ENPP2: variants seen among roughly 807,000 people sequenced by gnomAD.
ENPP2 encodes the protein ectonucleotide pyrophosphatase/phosphodiesterase 2.
A neutral mutation model predicts 120.2 loss-of-function variants in ENPP2; 51 were observed. That is an observed-to-expected ratio of 0.42 (90% CI 0.34 to 0.54). ENPP2 has a LOEUF of 0.54. Among genes scored for constraint, ENPP2 ranks in the 20% least tolerant of loss-of-function variants. ENPP2 has a pLI of 0.04. For synonymous variants in ENPP2, 365 were observed against 366.4 expected (o/e 1.00, Z 0.04); for missense variants, 920 against 1,066.5 (o/e 0.86, Z 1.91).
chr8:119,631,408 G>A (rs1039245989), intron 2 of ENPP2, among the ~76,000 whole-genome samples: 1 of 151,100 alleles, frequency 6.6e-6, no homozygotes, highest in Non-Finnish European at 1.5e-5. Flanking sequence ...AGTACAGACC[G>A]GGTTTCACCG....
chr8:119,568,305 T>C, intron 21 of ENPP2, 53 bp from the exon 22 acceptor site: 1 of 848,214 alleles, frequency 1.2e-6, no homozygotes, highest in Non-Finnish European at 1.8e-6. Context: ...TCTATATCAG[T>C]TAAAAAAAAA....
chr8:119,625,963 C>T (rs542919189), intron 3 of ENPP2, among the ~76,000 whole-genome samples: 8 of 152,220 alleles, frequency 5.3e-5, no homozygotes, highest in South Asian at 2.1e-4. Context: ...CATTTGCAGA[C>T]GGCAGGGAAT....
chr8:119,610,903 T>TAAAAAAA (rs541673414), intron 8 of ENPP2, among the ~76,000 whole-genome samples: 5,956 of 136,122 alleles, frequency 0.044, 449 homozygotes, highest in African/African-American at 0.16. Flanking sequence ...ATTCTGTCTT[T>TAAAAAAA]AAAAAAAAAA....
intron 1 of ENPP2, among the ~76,000 whole-genome samples, chr8:119,671,132 CA>C (rs371191607): frequency 0.015 from 1,702 of 115,184 alleles, 31 homozygotes; most frequent in African/African-American, 0.052. Context: ...ACTAAAAATA[CA>C]AAAAAAAAAA....
At chr8:119,662,334 C>T (rs1817945129) in intron 1 of ENPP2, among the ~76,000 whole-genome samples, 1 of 151,852 alleles carries the variant, frequency 6.6e-6, no homozygotes, top group South Asian at 2.1e-4. Flanking sequence ...AATAAATAAA[C>T]AATAAAGTAA....
intron 9 of ENPP2, among the ~76,000 whole-genome samples, chr8:119,603,567 A>C (rs1206741086): frequency 6.6e-6 from 1 of 152,214 alleles, no homozygotes; most frequent in East Asian, 1.9e-4. Context: ...CTGGAAAACG[A>C]GGACAATATA....
chr8:119,611,953 C>T (rs772266331), intron 8 of ENPP2, among the ~76,000 whole-genome samples: 4 of 152,106 alleles, frequency 2.6e-5, no homozygotes, highest in Admixed American at 6.6e-5. Flanking sequence ...CACTTGAACC[C>T]GGGAGGCGGA....
chr8:119,605,321 C>T (rs1024128045), intron 9 of ENPP2, among the ~76,000 whole-genome samples: 1 of 152,134 alleles, frequency 6.6e-6, no homozygotes, highest in Admixed American at 6.6e-5. Context: ...ATCCACCTGC[C>T]TTCCAAAGTG....
chr8:119,630,878 C>T lies in ENPP2; in HGVS notation c.137-4158G>A, dbSNP rs527363256. Among the ~76,000 whole-genome samples the T allele has an allele frequency of 2.6e-5, 4 of 151,908 alleles. No individual in the cohort carries two copies. The South Asian group carries it at 8.3e-4, about 32-fold the overall frequency. On this transcript the variant is annotated intron_variant, in intron 2 of 24. Transcript: ENST00000075322. ...CAATAACCCAAATAAATTTGAGCTG[C>T]TATCTCTTTTTTTTTTTCTTTTTTT...
intron 19 of ENPP2, among the ~76,000 whole-genome samples, chr8:119,575,101 A>T (rs1450870905): frequency 6.6e-6 from 1 of 151,428 alleles, no homozygotes; most frequent in Non-Finnish European, 1.5e-5. Context: ...TATTTTTTTT[A>T]AATCTTGGCT....
Position 119,585,927 on chromosome 8 carries a change from GACACACACACACAC to G in ENPP2, c.1367+245_1367+258del, listed in dbSNP as rs34249912. On this transcript the variant is annotated intron_variant, in intron 15 of 24. Coordinates refer to ENST00000075322, the MANE Select transcript of ENPP2 (RefSeq NM_001040092.3). The stretch of plus-strand genomic sequence containing the variant: ...GAATGTAAATTCAAAGGATGAAAGA[GACACACACACACAC>G]ACACACACACACACACACACAGATG... 3.4e-5 allele frequency among the ~76,000 whole-genome samples: 5 copies of G among 146,334 alleles called. No homozygotes were observed. In the East Asian group the frequency reaches 6.0e-4, roughly 18 times the overall value.
Position 119,595,642 on chromosome 8 carries a change from CT to C in ENPP2, c.973-1783del, listed in dbSNP as rs1259941501. Among the ~76,000 whole-genome samples, 9 of 152,266 alleles carry C rather than the reference CT, an allele frequency of 5.9e-5. 1 individual carries two copies. Among genetic ancestry groups the C allele is most frequent in the African/African-American group, 2.2e-4 (9 of 41,550 alleles). On this transcript the variant is annotated intron_variant, in intron 11 of 24. Coordinates refer to ENST00000075322, the MANE Select transcript of ENPP2 (RefSeq NM_001040092.3). ...AACTCTTAAAAAAAGGAAAAGACTT[CT>C]TTTTTTCCTGTCATGTTGAGTTCAG...
intron 1 of ENPP2, among the ~76,000 whole-genome samples, chr8:119,648,556 G>A (rs898454750): frequency 6.6e-6 from 1 of 152,108 alleles, no homozygotes; most frequent in African/African-American, 2.4e-5. Flanking sequence ...AATGTGTTTC[G>A]ATTCAAATCT....
intron 2 of ENPP2, among the ~76,000 whole-genome samples, chr8:119,633,043 G>A (rs186282236): frequency 1.6e-4 from 25 of 152,214 alleles, no homozygotes; most frequent in East Asian, 9.6e-4. Flanking sequence ...CAACAAGAGC[G>A]AAACTCCATC....
chr8:119,623,677 G>A (rs533074697), intron 3 of ENPP2, among the ~76,000 whole-genome samples: 8 of 152,108 alleles, frequency 5.3e-5, no homozygotes, highest in African/African-American at 1.9e-4. Context: ...CTGGGCTAGA[G>A]TGCAGTGGCA....
At chr8:119,580,303 T>C in intron 18 of ENPP2, 136 bp from the exon 19 acceptor site, 1 of 727,348 alleles carries the variant, frequency 1.4e-6, no homozygotes, top group South Asian at 1.6e-5. Context: ...ATACATTCTT[T>C]CGAGGAATTA....
chr8:119,618,321 C>T (rs1250245458), intron 5 of ENPP2: 1 of 482,232 alleles, frequency 2.1e-6, no homozygotes, highest in Non-Finnish European at 4.2e-6. Context: ...TTCTTATGGG[C>T]CTCTGTATAA....
chr8:119,642,106 T>A (rs983767131), upstream of ENPP2, among the ~76,000 whole-genome samples: 1 of 152,180 alleles, frequency 6.6e-6, no homozygotes, highest in African/African-American at 2.4e-5. Context: ...GATGATGACC[T>A]GAGACTTCTA....
At chr8:119,617,017 T>C (rs1164823036) in intron 7 of ENPP2, 147 bp downstream of exon 7, 1 of 622,998 alleles carries the variant, frequency 1.6e-6, no homozygotes, top group African/African-American at 1.8e-5. Context: ...AGGCATTTGC[T>C]GTGAACAAAT....
Sources: gnomAD v4.1 joint callset for allele counts (sites outside exome capture counted in the v4.1 genomes callset) on GRCh38, gnomAD v4.1.1 for gene constraint, MANE v1.5 for transcripts, NCBI Gene and HGNC (gene_info 2026-07-23, HGNC 2026-07-21) for gene names.